The following CCNF variants were observed in gnomAD, a reference collection of about 807,000 sequenced individuals.
The protein encoded by CCNF is cyclin-F.
Under a neutral mutation model 85.4 loss-of-function variants are expected in CCNF, and 30 were observed. The ratio of observed to expected loss-of-function variants is 0.35; its 90% CI spans 0.26 to 0.48. The LOEUF (loss-of-function observed/expected upper bound fraction) is 0.48. Ranked by LOEUF, CCNF falls within the 20% of genes least tolerant of loss-of-function variation. The pLI, the probability that CCNF is intolerant of heterozygous loss-of-function variation, is 0.99. For synonymous variants in CCNF, 439 were observed against 425.1 expected (o/e 1.03, Z -0.40); for missense variants, 919 against 1,010.4 (o/e 0.91, Z 1.23).
chr16:2,437,908 A>G (rs1567384262), intron 5 of CCNF, 162 bp from the exon 6 acceptor site: 30 of 568,190 alleles, frequency 5.3e-5, no homozygotes, highest in South Asian at 8.4e-5. Flanking sequence ...CCCTTTAAAA[A>G]AAAAAAAAAA....
intron 10 of CCNF, among the ~76,000 whole-genome samples, chr16:2,448,386 C>G (rs1596926706): frequency 1.3e-5 from 2 of 152,242 alleles, no homozygotes; most frequent in East Asian, 3.9e-4. Context: ...CCAGCACTTT[C>G]TGACCTCCCC....
At chr16:2,430,964 A>G (rs778575701) in intron 1 of CCNF, 166 bp from the exon 2 acceptor site, 1 of 802,874 alleles carries the variant, frequency 1.2e-6, no homozygotes, top group Non-Finnish European at 2.2e-6. Flanking sequence ...TCCTTTACAT[A>G]ATCTTTGTTT....
intron 7 of CCNF, 127 bp downstream of exon 7, chr16:2,439,584 C>A: frequency 1.1e-6 from 1 of 898,438 alleles, no homozygotes. Flanking sequence ...TCTCAGCCTC[C>A]GGGAACCACT....
chr16:2,437,151 C>T lies in CCNF; in HGVS notation c.369C>T (p.Arg123=), dbSNP rs779696796. ...NEGLSVSDEA[R]AEVNGLKASR... is the part of the protein sequence containing the mutation. ...CAGTGTCTGTGTCTGATGAGGCCCG[C>T]GCAGAAGTGAATGGCCTGAAGGCCT... Residue 123 remains arginine, a synonymous_variant, in exon 5 of 17, where the codon CGC becomes CGT. Coordinates refer to ENST00000397066, the MANE Select transcript of CCNF (RefSeq NM_001761.3). 170 of 1,604,776 alleles carry T rather than the reference C, an allele frequency of 1.1e-4. No individual in the cohort carries two copies. Among genetic ancestry groups the T allele is most frequent in the Admixed American group, 2.2e-4 (13 of 59,684 alleles).
chr16:2,453,640 CAG>C lies in CCNF; in HGVS notation c.1715+104_1715+105del, dbSNP rs2065407872. 11 of 1,461,686 alleles carry C rather than the reference CAG, an allele frequency of 7.5e-6. No homozygotes were observed. The highest frequency in any genetic ancestry group is 4.9e-5 in the South Asian group (4 of 81,990). The allele number at this position is 1,461,686 out of a possible 1,614,324, so 90.5% of individuals were successfully genotyped here. A position where few individuals can be genotyped will look rare whatever the true frequency, so the allele number is the denominator to read the frequency against. ...ACACAGAGAGGCCCCCAAGGCTTGT[CAG>C]GGGAGCAGCAGATCCCAGGACAGTG... On this transcript the variant is annotated intron_variant, in intron 15 of 16. Coordinates refer to ENST00000397066, the MANE Select transcript of CCNF (RefSeq NM_001761.3). This position sits in a 1 kb window ranked among gnomAD's most constrained non-coding sequence, Gnocchi z 5.6.
intron 6 of CCNF, 128 bp from the exon 7 acceptor site, chr16:2,439,225 G>C: frequency 1.5e-6 from 1 of 682,528 alleles, no homozygotes; most frequent in South Asian, 1.9e-5. Context: ...TTGAACCCAG[G>C]AGGCGGAGGT....
chr16:2,433,738 A>C (rs2065273983), intron 3 of CCNF, among the ~76,000 whole-genome samples: 1 of 152,176 alleles, frequency 6.6e-6, no homozygotes, highest in African/African-American at 2.4e-5. Context: ...GGCACGCGCT[A>C]CCACGCCCAT....
intron 1 of CCNF, 164 bp from the exon 2 acceptor site, chr16:2,430,966 T>C (rs1024016819): frequency 1.2e-6 from 1 of 807,310 alleles, no homozygotes; most frequent in Non-Finnish European, 2.2e-6. Flanking sequence ...CTTTACATAA[T>C]CTTTGTTTGG....
chr16:2,453,164 G>C lies in CCNF; in HGVS notation c.1488-46G>C. On this transcript the variant is annotated intron_variant, in intron 13 of 16. Coordinates refer to ENST00000397066, the MANE Select transcript of CCNF (RefSeq NM_001761.3). This position sits in a 1 kb window ranked among gnomAD's most constrained non-coding sequence, Gnocchi z 5.6. ...CTTCAGTGAACTGAAGCTAAAAATG[G>C]GGTGGGGGTGCCTCACATGTCCACT... 6.6e-7 allele frequency: 1 copy of C among 1,525,404 alleles called. No individual in the cohort carries two copies. The highest frequency in any genetic ancestry group is 9.1e-7 in the Non-Finnish European group (1 of 1,099,932). The allele number at this position is 1,525,404 out of a possible 1,614,324, so 94.5% of individuals were successfully genotyped here.
chr16:2,439,280 G>C, intron 6 of CCNF, 73 bp from the exon 7 acceptor site: 5 of 1,311,118 alleles, frequency 3.8e-6, no homozygotes, highest in Non-Finnish European at 5.3e-6. Context: ...CCTGGGCGAC[G>C]AGTGAAACTG....
intron 2 of CCNF, among the ~76,000 whole-genome samples, chr16:2,432,702 C>A (rs528913150): frequency 6.6e-6 from 1 of 152,220 alleles, no homozygotes; most frequent in Non-Finnish European, 1.5e-5. Flanking sequence ...AACCCTCTTT[C>A]TCAGCCTAGG....
chr16:2,437,087 C>T (rs1488195492), intron 4 of CCNF, 42 bp from the exon 5 acceptor site: 1 of 1,478,956 alleles, frequency 6.8e-7, no homozygotes, highest in East Asian at 2.4e-5. Flanking sequence ...ACATTCCGTC[C>T]CTAAGAGACA....
chr16:2,431,053 C>T, intron 1 of CCNF, 77 bp from the exon 2 acceptor site: 3 of 1,413,236 alleles, frequency 2.1e-6, no homozygotes, highest in African/African-American at 1.4e-5. Context: ...AACTTTTATC[C>T]TTTTTTTTTC....
chr16:2,433,864 C>T (rs1249627641), intron 3 of CCNF, among the ~76,000 whole-genome samples: 1 of 152,212 alleles, frequency 6.6e-6, no homozygotes, highest in Non-Finnish European at 1.5e-5. Context: ...CGCTGTGAGC[C>T]TCGTCCATCT....
chr16:2,454,117 CACCAGTA>C (rs2065411155), intron 15 of CCNF, among the ~76,000 whole-genome samples: 1 of 152,212 alleles, frequency 6.6e-6, no homozygotes, highest in African/African-American at 2.4e-5. Context: ...GCACCATGTG[CACCAGTA>C]ACCTTCCCAA....
intron 3 of CCNF, among the ~76,000 whole-genome samples, chr16:2,434,115 G>A (rs1012379640): frequency 2.6e-5 from 4 of 151,904 alleles, no homozygotes; most frequent in African/African-American, 7.3e-5. Context: ...AGACCAGCCC[G>A]GCCAACATGG....
In CCNF at chr16:2,449,289, C is replaced by G. The variant is rs2065379664; in HGVS notation, c.1226C>G (p.Thr409Ser). 1 of 1,613,806 alleles carries G rather than the reference C, an allele frequency of 6.2e-7. No homozygotes were observed. The highest frequency in any genetic ancestry group is 8.5e-7 in the Non-Finnish European group (1 of 1,179,870). ...SALEGKIRVP[T>S]VVDYKEVLLT... ...CCCGTCCCGGCTGTCTAGGTCCCCA[C>G]TGTGGTGGATTACAAGGAGGTCCTG... The change falls in exon 12 of 17, where the codon ACT (threonine) becomes AGT (serine). Residue 409 changes from threonine (T) to serine (S), a missense_variant. Thr to Ser is a moderately conservative substitution (Grantham distance 58, BLOSUM62 1). Coordinates refer to ENST00000397066, the MANE Select transcript of CCNF (RefSeq NM_001761.3).
chr16:2,444,947 C>T (rs1386808426), intron 9 of CCNF, among the ~76,000 whole-genome samples: 1 of 138,600 alleles, frequency 7.2e-6, no homozygotes, highest in South Asian at 2.4e-4. Flanking sequence ...GGGTGGAGTG[C>T]AGTGGTGTGT....
chr16:2,439,283 T>C, intron 6 of CCNF, 70 bp from the exon 7 acceptor site: 1 of 1,351,118 alleles, frequency 7.4e-7, no homozygotes, highest in Non-Finnish European at 1.0e-6. Flanking sequence ...GGGCGACGAG[T>C]GAAACTGTCT....
Sources: gnomAD v4.1 joint callset for allele counts (sites outside exome capture counted in the v4.1 genomes callset) on GRCh38, gnomAD v4.1.1 for gene constraint, Gnocchi (gnomAD v3.1) non-coding constraint, MANE v1.5 for transcripts, NCBI Gene and HGNC (gene_info 2026-07-23, HGNC 2026-07-21) for gene names.